CYB5R4: variants seen among roughly 807,000 people sequenced by gnomAD.
CYB5R4 encodes cytochrome b5 reductase 4.
A neutral mutation model predicts 70.2 loss-of-function variants in CYB5R4; 55 were observed. The observed-to-expected ratio is 0.78, with a 90% CI of 0.63 to 0.98. The LOEUF (loss-of-function observed/expected upper bound fraction) is 0.98. Among genes scored for constraint, CYB5R4 ranks in the 50% least tolerant of loss-of-function variants. The pLI, the probability that CYB5R4 is intolerant of heterozygous loss-of-function variation, is 0.00. For missense variants in CYB5R4, 562 were observed against 612.6 expected (o/e 0.92, Z 0.87); for synonymous variants, 197 against 199.5 (o/e 0.99, Z 0.11).
chr6:83,924,329 G>T, intron 9 of CYB5R4, 141 bp from the exon 10 acceptor site: 1 of 737,492 alleles, frequency 1.4e-6, no homozygotes, highest in Non-Finnish European at 2.1e-6. Flanking sequence ...GAATATGTAA[G>T]CAAAATCTTA....
chr6:83,948,029 C>G (rs139704373), intron 14 of CYB5R4, among the ~76,000 whole-genome samples: 2,257 of 152,240 alleles, frequency 0.015, 58 homozygotes, highest in African/African-American at 0.051. Flanking sequence ...GGTATATACC[C>G]AAAGCATGAT....
chr6:83,892,173 T>C (rs939652797), intron 2 of CYB5R4, among the ~76,000 whole-genome samples: 13 of 152,212 alleles, frequency 8.5e-5, no homozygotes, highest in African/African-American at 2.4e-4. Flanking sequence ...TTCAGACTTA[T>C]TTGGAATGCT....
intron 14 of CYB5R4, among the ~76,000 whole-genome samples, chr6:83,953,660 G>A (rs1051351832): frequency 6.6e-6 from 1 of 152,060 alleles, no homozygotes; most frequent in African/African-American, 2.4e-5. Flanking sequence ...GGCTGTTAAT[G>A]TAATATTTTA....
chr6:83,922,865 T>C (rs1164495653), intron 9 of CYB5R4, among the ~76,000 whole-genome samples: 1 of 152,164 alleles, frequency 6.6e-6, no homozygotes, highest in Non-Finnish European at 1.5e-5. Flanking sequence ...CTTGGTTCAC[T>C]GCAACCTCTG....
chr6:83,901,454 C>T (rs1041541047), intron 3 of CYB5R4, among the ~76,000 whole-genome samples: 10 of 152,070 alleles, frequency 6.6e-5, no homozygotes, highest in Admixed American at 3.9e-4. Context: ...TTGCTCTTCT[C>T]GAGGAGTATC....
At chr6:83,896,343 G>A (rs2099461884) in intron 3 of CYB5R4, among the ~76,000 whole-genome samples, 1 of 152,076 alleles carries the variant, frequency 6.6e-6, no homozygotes, top group Admixed American at 6.6e-5. Context: ...CCCCTGACAG[G>A]GAAGTACATT....
Position 83,946,579 on chromosome 6 carries a change from G to GAC in CYB5R4, c.1346+5978_1346+5979insAC, listed in dbSNP as rs1390534663. On this transcript the variant is annotated intron_variant, in intron 14 of 15. Transcript: ENST00000369681. Reference sequence around the variant, plus strand: ...TTGCAAGTTCTGGCCAGGGCAGTCAGGTAAGGGAAAGAAAGAAAGGGTATT... The same window carrying GAC: ...TTGCAAGTTCTGGCCAGGGCAGTCAGACGTAAGGGAAAGAAAGAAAGGGTATT... Among the ~76,000 whole-genome samples the GAC allele has an allele frequency of 1.9e-4, 29 of 152,194 alleles. 1 individual carries two copies. The East Asian group carries it at 5.4e-3, about 28-fold the overall frequency.
At chr6:83,951,153 C>T (rs1279103563) in intron 14 of CYB5R4, among the ~76,000 whole-genome samples, 3 of 152,116 alleles carry the variant, frequency 2.0e-5, no homozygotes, top group African/African-American at 7.2e-5. Context: ...TTAATAACTG[C>T]ATTGTGTTCA....
Position 83,955,461 on chromosome 6 carries a change from A to C in CYB5R4, c.1510A>C (p.Arg504=). 6.2e-7 allele frequency: 1 copy of C among 1,613,382 alleles called. No homozygotes were observed. Among genetic ancestry groups the C allele is most frequent in the Non-Finnish European group, 8.5e-7 (1 of 1,179,546 alleles). The part of the protein sequence containing the change: ...GPVPFTEQGV[R]LLHDLNFSKN... The stretch of plus-strand genomic sequence containing the variant: ...AGTGCCATTTACAGAACAAGGAGTA[A>C]GGTGAGTAACAGTGTAGTAGGAAAC... The change falls in exon 15 of 16, where the codon AGG becomes CGG. Residue 504 remains arginine, a splice_region_variant and synonymous_variant. Coordinates refer to ENST00000369681, the MANE Select transcript of CYB5R4 (RefSeq NM_016230.4).
chr6:83,944,532 A>C (rs2099470264), intron 14 of CYB5R4, among the ~76,000 whole-genome samples: 1 of 152,186 alleles, frequency 6.6e-6, no homozygotes, highest in Admixed American at 6.6e-5. Context: ...ATCAACTAAT[A>C]GGCAAAATAA....
chr6:83,935,553 G>A (rs963405137), intron 11 of CYB5R4, among the ~76,000 whole-genome samples: 219 of 152,170 alleles, frequency 1.4e-3, no homozygotes, highest in African/African-American at 5.1e-3. Context: ...GAGGAGCCAT[G>A]CGTAAAATTT....
rs551594354 is a variant in CYB5R4, at chr6:83,869,771, C to T, written c.229+5443C>T. ...CCGGGAGTCAGAGGTTCCAGTCAGC[C>T]GAGATCACACCATTGCACTCCAGCC... is the stretch of plus-strand genomic sequence containing the variant. On this transcript the variant is annotated intron_variant, in intron 2 of 15. Transcript: ENST00000369681. 5.3e-5 allele frequency among the ~76,000 whole-genome samples: 8 copies of T among 151,094 alleles called. No homozygotes were observed. The South Asian group carries it at 1.1e-3, about 20-fold the overall frequency.
Position 83,961,221 on chromosome 6 carries a change from A to G in CYB5R4, c.*1343A>G, listed in dbSNP as rs2099473290. The G allele has an allele frequency of 6.6e-6, 1 of 152,096 alleles. No homozygotes were observed. Among genetic ancestry groups the G allele is most frequent in the Non-Finnish European group, 1.5e-5 (1 of 68,022 alleles). The allele number at this position is 152,096 out of a possible 1,614,324, so 9.4% of individuals were successfully genotyped here. On this transcript the variant is annotated 3_prime_UTR_variant, in exon 16 of 16. Transcript: ENST00000369681. ...GTCTTCTGTAGCCAATTCCACCATCATCATTATTCACAAAGACAGGAATCT... is the reference window on the plus strand; with the variant it reads ...GTCTTCTGTAGCCAATTCCACCATCGTCATTATTCACAAAGACAGGAATCT...
At chr6:83,917,384 A>G (rs2099465686) in intron 5 of CYB5R4, among the ~76,000 whole-genome samples, 2 of 152,140 alleles carry the variant, frequency 1.3e-5, no homozygotes, top group Non-Finnish European at 2.9e-5. Flanking sequence ...CCAAAAATGT[A>G]GATATGTGTT....
chr6:83,885,612 C>T (rs2099460125), intron 2 of CYB5R4, among the ~76,000 whole-genome samples: 1 of 152,126 alleles, frequency 6.6e-6, no homozygotes, highest in African/African-American at 2.4e-5. Context: ...ATTGTACTAC[C>T]TTTAACCAAA....
intron 14 of CYB5R4, among the ~76,000 whole-genome samples, chr6:83,951,928 C>G (rs1232181659): frequency 6.6e-6 from 1 of 152,186 alleles, no homozygotes; most frequent in East Asian, 1.9e-4. Flanking sequence ...TGTTTCTCCA[C>G]GTCCTCTCCA....
chr6:83,950,397 T>C (rs915700770), intron 14 of CYB5R4, among the ~76,000 whole-genome samples: 4 of 152,190 alleles, frequency 2.6e-5, no homozygotes, highest in African/African-American at 9.6e-5. Flanking sequence ...ATTCCACTTA[T>C]CCTTCTCCCA....
Position 83,924,635 on chromosome 6 carries a change from A to G in CYB5R4, c.814+43A>G, listed in dbSNP as rs1010170383. Reference sequence around the variant, plus strand: ...GTTACGTTAATTTCACATTCATGAAATTGTTGTTAGTTGTACAGTTGTACC... The same window carrying G: ...GTTACGTTAATTTCACATTCATGAAGTTGTTGTTAGTTGTACAGTTGTACC... On this transcript the variant is annotated intron_variant, in intron 10 of 15. Coordinates refer to ENST00000369681, the MANE Select transcript of CYB5R4 (RefSeq NM_016230.4). The G allele has an allele frequency of 2.5e-6, 4 of 1,598,668 alleles. No homozygotes were observed. The Admixed American group carries it at 5.1e-5, about 20-fold the overall frequency.
At chr6:83,874,214 A>G (rs1441750258) in intron 2 of CYB5R4, among the ~76,000 whole-genome samples, 2 of 130,198 alleles carry the variant, frequency 1.5e-5, no homozygotes, top group Non-Finnish European at 3.2e-5. Context: ...TTTTTGAAAC[A>G]GTGTCTCATT....
Sources: gnomAD v4.1 joint callset for allele counts (sites outside exome capture counted in the v4.1 genomes callset) on GRCh38, gnomAD v4.1.1 for gene constraint, MANE v1.5 for transcripts, NCBI Gene and HGNC (gene_info 2026-07-23, HGNC 2026-07-21) for gene names.